Variants in GPHN observed in about 807,000 individuals in gnomAD.
The protein encoded by GPHN is gephyrin.
In GPHN, 17 loss-of-function variants were observed where a neutral mutation model predicts 95.5. The ratio of observed to expected loss-of-function variants is 0.18; its 90% CI spans 0.12 to 0.27. The LOEUF (loss-of-function observed/expected upper bound fraction) is 0.27. Among genes scored for constraint, GPHN ranks in the 10% least tolerant of loss-of-function variants. The pLI is 1.00. For missense variants in GPHN, 660 were observed against 978.1 expected (o/e 0.67, Z 4.34); for synonymous variants, 320 against 322.5 (o/e 0.99, Z 0.08).
In GPHN at chr14:66,761,131, A is replaced by G. The variant is rs143197959; in HGVS notation, c.144-15333A>G. 512 of 350,410 alleles carry G rather than the reference A, an allele frequency of 1.5e-3. 3 individuals are homozygous for G. The highest frequency in any genetic ancestry group is 0.01 in the African/African-American group (493 of 46,968). The allele number at this position is 350,410 out of a possible 1,614,324, so 21.7% of individuals were successfully genotyped here. A position where few individuals can be genotyped will look rare whatever the true frequency, so the allele number is the denominator to read the frequency against. ...AGGTCACTTAAATGAAAAGTGATTA[A>G]TATATCTTTCCTACATTTCCATCTA... On this transcript the variant is annotated intron_variant, in intron 2 of 22. Transcript: ENST00000478722.
chr14:67,514,336 A>G, the GPHN span, among the ~76,000 whole-genome samples: 1 of 152,140 alleles, frequency 6.6e-6, no homozygotes, highest in Non-Finnish European at 1.5e-5. Context: ...GATACCTGGG[A>G]AAGAGGCCAA....
At chr14:67,490,491 T>C in the GPHN span, among the ~76,000 whole-genome samples, 1 of 152,342 alleles carries the variant, frequency 6.6e-6, no homozygotes, top group South Asian at 2.1e-4. Context: ...ACAACTCCTG[T>C]TCTGTTATTT....
chr14:67,053,410 C>A (rs2075404748), intron 10 of GPHN, among the ~76,000 whole-genome samples: 1 of 151,956 alleles, frequency 6.6e-6, no homozygotes, highest in South Asian at 2.1e-4. Flanking sequence ...CAAGACAGAA[C>A]CAGGAAGAAG....
chr14:67,392,596 C>T, the GPHN span: 1 of 1,445,082 alleles, frequency 6.9e-7, no homozygotes, highest in Non-Finnish European at 9.6e-7. Context: ...GCCCCCAGGC[C>T]CCCATTCTGT....
chr14:67,364,740 T>TA, the GPHN span: 112 of 1,597,720 alleles, frequency 7.0e-5, no homozygotes, highest in Non-Finnish European at 9.2e-5. Context: ...ACTGAATACT[T>TA]ACTTAATTCT....
rs376856913 is a variant in GPHN, at chr14:66,965,343, G to T, written c.963+18G>T. The T allele has an allele frequency of 1.9e-6, 3 of 1,609,088 alleles. No homozygotes were observed. The highest frequency in any genetic ancestry group is 1.7e-5 in the Admixed American group (1 of 59,936). ...CACCAAAAGTAAGTATGGTTCCTTC[G>T]CATCTTACACCTGCTCTTCTATAGT... is the stretch of plus-strand genomic sequence containing the variant. On this transcript the variant is annotated intron_variant, in intron 9 of 22. Transcript: ENST00000478722.
chr14:66,561,962 C>T (rs2060271027), intron 1 of GPHN, among the ~76,000 whole-genome samples: 1 of 152,076 alleles, frequency 6.6e-6, no homozygotes, highest in African/African-American at 2.4e-5. Context: ...TTCTTCAAAG[C>T]CAACAATGAT....
chr14:67,323,232 C>CGTGTGTGTGTGTGTGT, the GPHN span, among the ~76,000 whole-genome samples: 575 of 143,584 alleles, frequency 4.0e-3, 3 homozygotes, highest in African/African-American at 0.014. Context: ...CATATATACA[C>CGTGTGTGTGTGTGTGT]GTGTGTGTGT....
chr14:67,496,391 GTTTTTTTTTTTT>G, the GPHN span, among the ~76,000 whole-genome samples: 10 of 30,106 alleles, frequency 3.3e-4, no homozygotes, highest in South Asian at 2.2e-3. Flanking sequence ...CTGCTCCGGC[GTTTTTTTTTTTT>G]TTTTTTTTTT....
intron 1 of GPHN, among the ~76,000 whole-genome samples, chr14:66,661,848 C>T (rs565172415): frequency 1.2e-4 from 18 of 152,010 alleles, no homozygotes; most frequent in Admixed American, 3.9e-4. Context: ...GGAGAGCCCA[C>T]GCCCACCAGG....
intron 8 of GPHN, among the ~76,000 whole-genome samples, chr14:66,956,493 T>C (rs2068513136): frequency 6.6e-6 from 1 of 151,918 alleles, no homozygotes; most frequent in Non-Finnish European, 1.5e-5. Context: ...TAGTTTACAG[T>C]CCCACCAACA....
At chr14:67,689,556 G>A in the GPHN span, among the ~76,000 whole-genome samples, 4 of 152,084 alleles carry the variant, frequency 2.6e-5, no homozygotes, top group African/African-American at 9.7e-5. Flanking sequence ...GTCTCACTGT[G>A]AGTAAAAAAT....
the GPHN span, among the ~76,000 whole-genome samples, chr14:67,222,952 A>G: frequency 6.6e-6 from 1 of 151,486 alleles, no homozygotes; most frequent in Non-Finnish European, 1.5e-5. Flanking sequence ...TCATTATAGA[A>G]TAGGTTTTTA....
the GPHN span, among the ~76,000 whole-genome samples, chr14:67,287,548 T>A: frequency 2.6e-5 from 4 of 152,226 alleles, no homozygotes; most frequent in Non-Finnish European, 5.9e-5. Flanking sequence ...AAAAGATTGA[T>A]AATTCTTAAA....
intron 5 of GPHN, among the ~76,000 whole-genome samples, chr14:66,885,821 A>G (rs2064159155): frequency 6.8e-6 from 1 of 146,378 alleles, no homozygotes; most frequent in Non-Finnish European, 1.5e-5. Flanking sequence ...TCTTACACAG[A>G]ACACTTTATA....
the GPHN span, among the ~76,000 whole-genome samples, chr14:67,489,318 C>T: frequency 6.6e-6 from 1 of 152,218 alleles, no homozygotes; most frequent in African/African-American, 2.4e-5. Context: ...AATGTGCCTT[C>T]GAACTGCTTC....
intron 18 of GPHN, among the ~76,000 whole-genome samples, chr14:67,150,373 G>A (rs1270364454): frequency 2.1e-5 from 3 of 145,026 alleles, no homozygotes; most frequent in Admixed American, 7.0e-5. Flanking sequence ...CCCGGGAGGC[G>A]GAGCTTGCAG....
the GPHN span, chr14:67,621,046 T>C: frequency 3.0e-6 from 4 of 1,343,686 alleles, no homozygotes; most frequent in South Asian, 2.4e-5. Flanking sequence ...ATCCAGGGAC[T>C]ACACAGCTTT....
chr14:67,321,337 G>A, the GPHN span: 6 of 1,442,872 alleles, frequency 4.2e-6, no homozygotes, highest in Non-Finnish European at 5.8e-6. Context: ...GCTATATTTT[G>A]GTCCAAGAAC....
Sources: gnomAD v4.1 joint callset for allele counts (sites outside exome capture counted in the v4.1 genomes callset) on GRCh38, gnomAD v4.1.1 for gene constraint, MANE v1.5 for transcripts, NCBI Gene and HGNC (gene_info 2026-07-23, HGNC 2026-07-21) for gene names.